The following TRANK1 variants were observed in gnomAD, a reference collection of about 807,000 sequenced individuals.
The protein encoded by TRANK1 is tetratricopeptide repeat and ankyrin repeat containing 1.
TRANK1 carries 198 observed loss-of-function variants against 266.0 expected under a neutral mutation model. The ratio of observed to expected loss-of-function variants is 0.74; its 90% confidence interval spans 0.66 to 0.84. The LOEUF (loss-of-function observed/expected upper bound fraction) is 0.84, where lower values mean the gene tolerates loss of function less well. TRANK1 is among the 40% of genes least tolerant of loss of function. The pLI is 0.00. For synonymous variants in TRANK1, 1,396 were observed against 1,384.1 expected (o/e 1.01, Z -0.19); for missense variants, 3,326 against 3,634.6 (o/e 0.92, Z 2.18).
chr3:36,874,377 C>A, intron 8 of TRANK1, 81 bp from the exon 9 acceptor site: 1 of 1,455,782 alleles, frequency 6.9e-7, no homozygotes, highest in Non-Finnish European at 9.1e-7. Flanking sequence ...TCTTCTCAGT[C>A]TCCTCCCAAG....
intron 8 of TRANK1, among the ~76,000 whole-genome samples, chr3:36,889,337 G>C (rs1326397846): frequency 1.3e-5 from 2 of 152,188 alleles, no homozygotes; most frequent in Non-Finnish European, 2.9e-5. Context: ...GGTGTCAGAA[G>C]AACCAGCTTT....
At position 36,902,403 on chromosome 3, in the gene TRANK1, G is replaced by A. The variant is rs560931319; in HGVS notation, c.282+746C>T. On this transcript the variant is annotated intron_variant, in intron 3 of 23. Transcript: ENST00000645898. ...GTGTTGCTTCAGATGCTCCAGAGTG[G>A]CTATTGAATTTAAGGCCTCTGAATG... Among the ~76,000 whole-genome samples the A allele has an allele frequency of 4.6e-5, 7 of 152,290 alleles. No homozygotes were observed. The East Asian group carries it at 1.2e-3, about 25-fold the overall frequency.
At chr3:36,925,094 C>A (rs985811279) in intron 1 of TRANK1, among the ~76,000 whole-genome samples, 1 of 152,178 alleles carries the variant, frequency 6.6e-6, no homozygotes, top group African/African-American at 2.4e-5. Flanking sequence ...CTCACACAAA[C>A]TTTACAGGAG....
At chr3:36,834,659 C>T in intron 21 of TRANK1, 103 bp downstream of exon 21, 1 of 1,382,236 alleles carries the variant, frequency 7.2e-7, no homozygotes, top group Middle Eastern at 2.1e-4. Flanking sequence ...GCAATGTGGT[C>T]AAACCATGTC....
rs1575175544 is a variant in TRANK1, at chr3:36,832,612, C to T, written c.6971G>A (p.Arg2324Gln). The T allele has an allele frequency of 1.1e-5, 18 of 1,613,952 alleles. No individual in the cohort carries two copies. The highest frequency in any genetic ancestry group is 4.5e-5 in the East Asian group (2 of 44,872). ...LFENESARNR[R>Q]ESTDLWLSAM... Reference sequence around the variant, plus strand: ...ACTCAGCCACAGGTCTGTGGATTCCCGGCGGTTGCGTGCGCTTTCATTTTC... The same window carrying T: ...ACTCAGCCACAGGTCTGTGGATTCCTGGCGGTTGCGTGCGCTTTCATTTTC... Residue 2324 changes from arginine to glutamine, a missense_variant, in exon 22 of 24, where the codon CGG becomes CAG. Physicochemically the swap from Arg to Gln is conservative, Grantham distance 43. Coordinates refer to ENST00000645898, the MANE Select transcript of TRANK1 (RefSeq NM_001329998.2).
chr3:36,859,158 C>T (rs548903536), intron 11 of TRANK1, among the ~76,000 whole-genome samples: 8 of 152,212 alleles, frequency 5.3e-5, no homozygotes, highest in Non-Finnish European at 8.8e-5. Flanking sequence ...ATAGTTCCCA[C>T]CATTCCCACT....
At chr3:36,919,563 G>A (rs866422469) in intron 1 of TRANK1, among the ~76,000 whole-genome samples, 1 of 152,212 alleles carries the variant, frequency 6.6e-6, no homozygotes, top group Admixed American at 6.5e-5. Context: ...TGAGACAACT[G>A]TGAATAAAGC....
intron 8 of TRANK1, chr3:36,880,611 A>T: frequency 5.0e-6 from 1 of 198,512 alleles, no homozygotes; most frequent in Non-Finnish European, 1.1e-5. Context: ...GAAATAATCC[A>T]CTTTCCCTTT....
In TRANK1 at chr3:36,944,703, C is replaced by G. The variant is rs2080547851; in HGVS notation, c.23+84G>C. On this transcript the variant is annotated intron_variant, in intron 1 of 23. Coordinates refer to ENST00000645898, the MANE Select transcript of TRANK1 (RefSeq NM_001329998.2). ...GGCCGCTACCTCAGGGTCGCCAGTC[C>G]CCGCGCGCGGCCGCCTCCCGCCAGG... 7 of 1,466,278 alleles carry G rather than the reference C, an allele frequency of 4.8e-6. No homozygotes were observed. The Admixed American group carries it at 6.4e-5, about 13-fold the overall frequency. The allele number at this position is 1,466,278 out of a possible 1,614,324, so 90.8% of individuals were successfully genotyped here.
chr3:36,904,823 C>A (rs1308368790), intron 2 of TRANK1, among the ~76,000 whole-genome samples: 1 of 152,132 alleles, frequency 6.6e-6, no homozygotes, highest in African/African-American at 2.4e-5. Flanking sequence ...CCCAGACACT[C>A]TGGCCAGTGC....
At chr3:36,865,024 G>GTTTTTTTTT (rs34540496) in intron 9 of TRANK1, among the ~76,000 whole-genome samples, 3 of 119,808 alleles carry the variant, frequency 2.5e-5, no homozygotes, top group Admixed American at 8.8e-5. Context: ...TGTTTTTTTG[G>GTTTTTTTTT]TTTTTTTTTT....
rs868451170 is a variant in TRANK1 at position 36,945,048 on chromosome 3, C to T, written c.-239G>A. 53 of 450,168 alleles carry T rather than the reference C, an allele frequency of 1.2e-4. No homozygotes were observed. The highest frequency in any genetic ancestry group is 4.3e-4 in the South Asian group (10 of 23,010). 27.9% of individuals were successfully genotyped at this position (450,168 alleles called of 1,614,324 possible). A position where few individuals can be genotyped will look rare whatever the true frequency, so the allele number is the denominator to read the frequency against. ...GTCCGGGCGGTGTGCAGCCGCAGACCTATTCCAAGTTTCCACGTAGTTGCG... is the reference window on the plus strand; with the variant it reads ...GTCCGGGCGGTGTGCAGCCGCAGACTTATTCCAAGTTTCCACGTAGTTGCG... On this transcript the variant is annotated 5_prime_UTR_variant, in exon 1 of 24. Transcript: ENST00000645898.
chr3:36,834,725 G>A (rs749256871), intron 21 of TRANK1, 37 bp downstream of exon 21: 1 of 1,590,016 alleles, frequency 6.3e-7, no homozygotes, highest in South Asian at 1.1e-5. Flanking sequence ...GAAGTGGGAG[G>A]AAGAGAGGGA....
intron 9 of TRANK1, among the ~76,000 whole-genome samples, chr3:36,869,384 A>C (rs1334612584): frequency 1.3e-5 from 2 of 152,262 alleles, no homozygotes; most frequent in Admixed American, 6.5e-5. Context: ...AAACTTGAGG[A>C]AGAGTCAAGG....
chr3:36,843,119 G>A (rs978592469), intron 17 of TRANK1, among the ~76,000 whole-genome samples: 3 of 152,176 alleles, frequency 2.0e-5, no homozygotes, highest in Non-Finnish European at 4.4e-5. Context: ...ATACATCTCT[G>A]TTGTTTAGGC....
chr3:36,884,569 C>T (rs2079574883), intron 8 of TRANK1, among the ~76,000 whole-genome samples: 1 of 152,094 alleles, frequency 6.6e-6, no homozygotes, highest in Non-Finnish European at 1.5e-5. Context: ...AATAAACATC[C>T]GAGTCCATAC....
At chr3:36,921,809 T>A (rs1030375935) in intron 1 of TRANK1, among the ~76,000 whole-genome samples, 8 of 152,168 alleles carry the variant, frequency 5.3e-5, no homozygotes, top group African/African-American at 1.7e-4. Flanking sequence ...CTAGTACATA[T>A]CCTTATTGTT....
chr3:36,830,934 C>T lies in TRANK1; in HGVS notation c.8649G>A (p.Glu2883=). Residue 2883 remains glutamate, a synonymous_variant, in exon 22 of 24, where the codon GAG becomes GAA. Transcript: ENST00000645898. ...CCATATCCGAAACCCTCTTGATGTG[C>T]TCCTGGACCTTCTGCAGCATGTGGC... ...EHSHMLQKVQ[E]HIKRVSDMVE... 1 of 1,613,960 alleles carries T rather than the reference C, an allele frequency of 6.2e-7. No homozygotes were observed.
At chr3:36,900,843 C>T (rs1367403973) in intron 3 of TRANK1, among the ~76,000 whole-genome samples, 7 of 18,698 alleles carry the variant, frequency 3.7e-4, no homozygotes, top group Non-Finnish European at 8.0e-4. Context: ...CAAAGCAAGA[C>T]CCTGTCTCAA....
Sources: gnomAD v4.1 joint callset for allele counts (sites outside exome capture counted in the v4.1 genomes callset) on GRCh38, gnomAD v4.1.1 for gene constraint, MANE v1.5 for transcripts, NCBI Gene and HGNC (gene_info 2026-07-23, HGNC 2026-07-21) for gene names.